Variants in ABCA13 observed in about 807,000 individuals in gnomAD.
The protein encoded by ABCA13 is ATP-binding cassette sub-family A member 13.
In ABCA13, 476 loss-of-function variants were observed where a neutral mutation model predicts 478.7. The observed-to-expected ratio is 0.99, with a 90% confidence interval of 0.92 to 1.07. ABCA13 has a LOEUF of 1.07. ABCA13 is among the 50% of genes least tolerant of loss of function. The probability of loss-of-function intolerance (pLI) is 0.00; values close to 1 mark genes in which losing one functional copy is unlikely to be tolerated. For synonymous variants in ABCA13, 2,252 were observed against 2,158.9 expected (o/e 1.04, Z -1.20); for missense variants, 6,060 against 5,910.6 (o/e 1.03, Z -0.83).
chr7:48,512,564 C>G lies in ABCA13; in HGVS notation c.13640+1365C>G, dbSNP rs563702456. On this transcript the variant is annotated intron_variant, in intron 51 of 61. Coordinates refer to ENST00000435803, the MANE Select transcript of ABCA13 (RefSeq NM_152701.5). ...GATCCAATTGAATGGATAGTGTTGT[C>G]ATGTCTCCCTCTATTTCAAGTAAAA... Among the ~76,000 whole-genome samples the G allele has an allele frequency of 2.0e-4, 30 of 152,274 alleles. 1 individual carries two copies. The highest frequency in any genetic ancestry group is 3.9e-4 in the Admixed American group (6 of 15,296).
intron 31 of ABCA13, among the ~76,000 whole-genome samples, chr7:48,359,894 G>A (rs1239366604): frequency 2.0e-5 from 3 of 151,982 alleles, no homozygotes; most frequent in Admixed American, 2.0e-4. Flanking sequence ...AATACCAGGA[G>A]CAAGGCTTAC....
At chr7:48,490,231 T>C (rs1478160186) in intron 48 of ABCA13, among the ~76,000 whole-genome samples, 1 of 152,218 alleles carries the variant, frequency 6.6e-6, no homozygotes, top group African/African-American at 2.4e-5. Context: ...AGTACAAAAA[T>C]AGTACAATAG....
chr7:48,281,498 T>G, intron 19 of ABCA13, 46 bp downstream of exon 19: 1 of 1,494,334 alleles, frequency 6.7e-7, no homozygotes, highest in Non-Finnish European at 9.1e-7. Flanking sequence ...CCTGTGCCAG[T>G]TTTCAGAACT....
chr7:48,390,583 C>T (rs562248813), intron 37 of ABCA13, among the ~76,000 whole-genome samples: 14 of 152,334 alleles, frequency 9.2e-5, no homozygotes, highest in Admixed American at 5.9e-4. Context: ...CAGAACCTTT[C>T]TATGCTGCTC....
intron 34 of ABCA13, among the ~76,000 whole-genome samples, chr7:48,376,065 G>A (rs1813430480): frequency 6.6e-6 from 1 of 152,120 alleles, no homozygotes; most frequent in South Asian, 2.1e-4. Flanking sequence ...CAAGAGCACA[G>A]AGAGTTACAC....
chr7:48,200,158 A>T (rs1300483838), intron 3 of ABCA13, among the ~76,000 whole-genome samples: 1 of 152,212 alleles, frequency 6.6e-6, no homozygotes, highest in Admixed American at 6.5e-5. Flanking sequence ...TGAGATCAGG[A>T]GTTCAAGACC....
At chr7:48,340,791 A>G (rs772003870) in intron 29 of ABCA13, among the ~76,000 whole-genome samples, 26 of 152,146 alleles carry the variant, frequency 1.7e-4, no homozygotes, top group Non-Finnish European at 7.4e-5. Flanking sequence ...AAAAATTAAG[A>G]TTATTATAAA....
At chr7:48,589,994 T>G (rs1789557219) in intron 57 of ABCA13, among the ~76,000 whole-genome samples, 1 of 152,170 alleles carries the variant, frequency 6.6e-6, no homozygotes, top group Non-Finnish European at 1.5e-5. Flanking sequence ...ACATCCAAAC[T>G]ATAGCAGCCC....
chr7:48,278,797 A>G lies in ABCA13; in HGVS notation c.7603A>G (p.Lys2535Glu), dbSNP rs1235018736. ...TAAGCTGGTCAAGAAAGTTTCGGGG[A>G]AGATGTCCACAGTTTTTAAAACTCA... ...LLKLVKKVSGKMSTVFKTHFI... is the reference protein window; with the variant it reads ...LLKLVKKVSGEMSTVFKTHFI... The change falls in exon 18 of 62, where the codon AAG (lysine) becomes GAG (glutamate). Residue 2535 changes from lysine (K) to glutamate (E), a missense_variant. Around this residue, in one of 3 missense-constraint regions of ABCA13, gnomAD observed 4,423 missense variants for 4,309.1 expected, o/e 1.03. Transcript: ENST00000435803. 4 of 1,613,884 alleles carry G rather than the reference A, an allele frequency of 2.5e-6. No homozygotes were observed. The highest frequency in any genetic ancestry group is 3.4e-6 in the Non-Finnish European group (4 of 1,179,878).
chr7:48,354,344 C>T (rs1809549165), intron 31 of ABCA13, among the ~76,000 whole-genome samples: 1 of 151,882 alleles, frequency 6.6e-6, no homozygotes, highest in African/African-American at 2.4e-5. Context: ...AGGATATTTC[C>T]CAAGAAGGCA....
At chr7:48,194,971 T>C (rs1041548606) in intron 2 of ABCA13, among the ~76,000 whole-genome samples, 2 of 152,184 alleles carry the variant, frequency 1.3e-5, no homozygotes, top group Non-Finnish European at 2.9e-5. Flanking sequence ...GCCAGACTAT[T>C]AGACTGTAGT....
intron 42 of ABCA13, among the ~76,000 whole-genome samples, chr7:48,441,708 A>G (rs936654885): frequency 3.3e-5 from 5 of 152,126 alleles, no homozygotes; most frequent in Non-Finnish European, 7.4e-5. Context: ...GGCACTTTAC[A>G]TGATTTGGAT....
chr7:48,267,717 C>T (rs368372262), intron 15 of ABCA13, among the ~76,000 whole-genome samples: 1 of 152,032 alleles, frequency 6.6e-6, no homozygotes, highest in Non-Finnish European at 1.5e-5. Context: ...TAACATAAAC[C>T]ATTTTATGTG....
intron 2 of ABCA13, among the ~76,000 whole-genome samples, chr7:48,195,200 A>G (rs1448823292): frequency 6.6e-6 from 1 of 152,232 alleles, no homozygotes; most frequent in East Asian, 1.9e-4. Flanking sequence ...GCAGGGTCAA[A>G]TCAATAAAGG....
chr7:48,199,577 C>T (rs1798388736), intron 3 of ABCA13, among the ~76,000 whole-genome samples: 1 of 152,120 alleles, frequency 6.6e-6, no homozygotes, highest in African/African-American at 2.4e-5. Context: ...ATGGGAGATG[C>T]CAACTTTCAG....
At chr7:48,284,965 T>G (rs1253104526) in intron 19 of ABCA13, among the ~76,000 whole-genome samples, 1 of 152,208 alleles carries the variant, frequency 6.6e-6, no homozygotes, top group Non-Finnish European at 1.5e-5. Context: ...CACTATATTT[T>G]CGTCATATCA....
chr7:48,450,985 C>CTTTTAT (rs1824946378), intron 42 of ABCA13, among the ~76,000 whole-genome samples: 8 of 118,640 alleles, frequency 6.7e-5, no homozygotes, highest in African/African-American at 2.7e-4. Flanking sequence ...TTTTTTTTTT[C>CTTTTAT]TTTTCTTTTT....
intron 41 of ABCA13, among the ~76,000 whole-genome samples, chr7:48,422,055 C>CAAAAAAAAAAAAAAAAAAAAA (rs4022355): frequency 2.5e-5 from 2 of 80,578 alleles, no homozygotes; most frequent in Non-Finnish European, 4.8e-5. Context: ...GTCTTTCTTA[C>CAAAAAAAAAAAAAAAAAAAAA]AAAAAAAAAA....
At position 48,269,047 on chromosome 7, in the gene ABCA13, T is replaced by C. The variant is rs1433208384; in HGVS notation, c.2073T>C (p.Phe691=). The change falls in exon 16 of 62, where the codon TTT becomes TTC. Residue 691 remains phenylalanine (F), a synonymous_variant. Coordinates refer to ENST00000435803, the MANE Select transcript of ABCA13 (RefSeq NM_152701.5). The part of the protein sequence containing the change: ...MDWKMISDNY[F]QFLNNLLKSP... ...GGAAAATGATCAGTGATAATTATTT[T>C]CAATTTTTGAATAACTTACTCAAGT... 6.2e-7 allele frequency: 1 copy of C among 1,603,122 alleles called. No homozygotes were observed. Among genetic ancestry groups the C allele is most frequent in the Non-Finnish European group, 8.5e-7 (1 of 1,171,162 alleles).
Sources: gnomAD v4.1 joint callset for allele counts (sites outside exome capture counted in the v4.1 genomes callset) on GRCh38, gnomAD v4.1.1 for gene constraint, gnomAD v4.1.1 regional missense constraint, MANE v1.5 for transcripts, NCBI Gene and HGNC (gene_info 2026-07-23, HGNC 2026-07-21) for gene names.